The following ANXA10 variants were observed in gnomAD, a reference collection of about 807,000 sequenced individuals.
ANXA10 encodes annexin A10, also known as annexin 14.
In ANXA10, 49 loss-of-function variants were observed where a neutral mutation model predicts 53.5. The observed-to-expected ratio is 0.92, with a 90% CI of 0.73 to 1.16. The LOEUF (loss-of-function observed/expected upper bound fraction) is 1.16. Ranked by LOEUF, ANXA10 falls within the 50% of genes most tolerant of loss-of-function variation. ANXA10 has a pLI of 0.00. For synonymous variants in ANXA10, 131 were observed against 128.9 expected (o/e 1.02, Z -0.11); for missense variants, 393 against 394.4 (o/e 1.00, Z 0.03).
intron 3 of ANXA10, among the ~76,000 whole-genome samples, chr4:168,159,084 A>G (rs1731738141): frequency 6.6e-6 from 1 of 152,136 alleles, no homozygotes; most frequent in Non-Finnish European, 1.5e-5. Context: ...CTCTTTGTAA[A>G]TTACCCAGCC....
chr4:168,173,321 G>A (rs892835862), intron 6 of ANXA10, among the ~76,000 whole-genome samples: 2 of 152,178 alleles, frequency 1.3e-5, no homozygotes, highest in African/African-American at 4.8e-5. Flanking sequence ...AATAGTAAAT[G>A]AATTCAGAGA....
At chr4:168,178,703 A>C (rs1732181915) in intron 8 of ANXA10, among the ~76,000 whole-genome samples, 1 of 152,222 alleles carries the variant, frequency 6.6e-6, no homozygotes, top group South Asian at 2.1e-4. Flanking sequence ...CGTGAAATAA[A>C]GAATCTTAAT....
At chr4:168,118,796 G>A (rs972339735) in intron 1 of ANXA10, among the ~76,000 whole-genome samples, 1 of 152,146 alleles carries the variant, frequency 6.6e-6, no homozygotes, top group Non-Finnish European at 1.5e-5. Context: ...AATGTGTAAA[G>A]ACACCTTCAT....
intron 6 of ANXA10, among the ~76,000 whole-genome samples, chr4:168,167,705 C>A (rs1236422889): frequency 6.6e-6 from 1 of 152,166 alleles, no homozygotes; most frequent in African/African-American, 2.4e-5. Flanking sequence ...TTGGTTAGGT[C>A]CATTTACCAC....
intron 8 of ANXA10, 130 bp from the exon 9 acceptor site, chr4:168,179,087 A>C: frequency 1.6e-6 from 1 of 606,074 alleles, no homozygotes; most frequent in South Asian, 1.9e-5. Flanking sequence ...TATTTATAGC[A>C]AACAGAATTG....
At chr4:168,119,583 G>A (rs906484781) in intron 1 of ANXA10, among the ~76,000 whole-genome samples, 6 of 152,158 alleles carry the variant, frequency 3.9e-5, no homozygotes, top group African/African-American at 1.4e-4. Context: ...CAGTTCAGCT[G>A]TATATGTTTC....
chr4:168,180,301 T>G (rs567126611), intron 9 of ANXA10, among the ~76,000 whole-genome samples: 1 of 152,346 alleles, frequency 6.6e-6, no homozygotes, highest in South Asian at 2.1e-4. Flanking sequence ...TCCTTCATTT[T>G]ATAAACAATG....
At chr4:168,133,931 A>C (rs928107655) in intron 2 of ANXA10, among the ~76,000 whole-genome samples, 2 of 151,384 alleles carry the variant, frequency 1.3e-5, no homozygotes, top group South Asian at 2.1e-4. Flanking sequence ...GCACTAGGAG[A>C]AGAAGGAGAA....
chr4:168,174,152 T>G (rs1370569708), intron 6 of ANXA10, among the ~76,000 whole-genome samples: 1 of 152,116 alleles, frequency 6.6e-6, no homozygotes, highest in African/African-American at 2.4e-5. Flanking sequence ...ACTTGGGACC[T>G]GCCAAACAGT....
At chr4:168,178,196 T>C in intron 8 of ANXA10, 1 of 528,048 alleles carries the variant, frequency 1.9e-6, no homozygotes, top group Non-Finnish European at 3.3e-6. Flanking sequence ...CCAATAACTT[T>C]CAAAAACTGA....
At chr4:168,113,033 G>A (rs955423541) in intron 1 of ANXA10, among the ~76,000 whole-genome samples, 9 of 151,362 alleles carry the variant, frequency 5.9e-5, no homozygotes, top group Admixed American at 1.3e-4. Context: ...AAAAAAAAAA[G>A]AAAGAAAAAA....
chr4:168,168,006 T>C (rs560654333), intron 6 of ANXA10, among the ~76,000 whole-genome samples: 1 of 152,312 alleles, frequency 6.6e-6, no homozygotes, highest in Non-Finnish European at 1.5e-5. Flanking sequence ...CTCCCTTGTA[T>C]GTCTGCTTGC....
At chr4:168,167,436 A>C (rs943826594) in intron 6 of ANXA10, among the ~76,000 whole-genome samples, 1 of 152,186 alleles carries the variant, frequency 6.6e-6, no homozygotes, top group Admixed American at 6.5e-5. Context: ...GTATGTGTTC[A>C]ATAGGTTAGG....
intron 1 of ANXA10, among the ~76,000 whole-genome samples, chr4:168,100,333 T>A (rs1440057157): frequency 6.6e-6 from 1 of 152,146 alleles, no homozygotes; most frequent in Non-Finnish European, 1.5e-5. Context: ...GAGTGGGATA[T>A]AAAACAGATT....
rs1480926773 is a variant in ANXA10 at position 168,169,059 on chromosome 4, T to C, written c.480+3733T>C. Reference sequence around the variant, plus strand: ...AGTGGAGAAAAGATAATTTGGTTTTTCATAGTACAAACTGAAGCGTCTGGT... The same window carrying C: ...AGTGGAGAAAAGATAATTTGGTTTTCCATAGTACAAACTGAAGCGTCTGGT... On this transcript the variant is annotated intron_variant, in intron 6 of 11. Coordinates refer to ENST00000359299, the MANE Select transcript of ANXA10 (RefSeq NM_007193.5). Among the ~76,000 whole-genome samples the C allele has an allele frequency of 2.0e-5, 3 of 152,326 alleles. No individual in the cohort carries two copies. The East Asian group carries it at 5.8e-4, about 29-fold the overall frequency.
chr4:168,187,497 T>C lies in ANXA10; in HGVS notation c.*63T>C. ...TAGACACTTCCAAATAGAGATTTTC[T>C]CACAAATTTGTACTGTTCATGGCAC... On this transcript the variant is annotated 3_prime_UTR_variant, in exon 12 of 12. Transcript: ENST00000359299. 6.9e-6 allele frequency: 8 copies of C among 1,160,044 alleles called. No homozygotes were observed. The highest frequency in any genetic ancestry group is 7.3e-6 in the Non-Finnish European group (6 of 825,448). 71.9% of individuals were successfully genotyped at this position (1,160,044 alleles called of 1,614,324 possible). A position where few individuals can be genotyped will look rare whatever the true frequency, so the allele number is the denominator to read the frequency against.
At chr4:168,176,420 G>A (rs543044223) in intron 6 of ANXA10, among the ~76,000 whole-genome samples, 1 of 152,102 alleles carries the variant, frequency 6.6e-6, no homozygotes, top group East Asian at 1.9e-4. Context: ...TCCCCCAAAG[G>A]TCTAGCTGTG....
In ANXA10 at chr4:168,121,243, G is replaced by A. The variant is rs537943426; in HGVS notation, c.19-6841G>A. Among the ~76,000 whole-genome samples the A allele has an allele frequency of 1.3e-3, 199 of 151,888 alleles. 3 individuals carry two copies. The highest frequency in any genetic ancestry group is 2.5e-3 in the Admixed American group (38 of 15,252). ...ACACACACACACACATTCTAACAAG[G>A]CATGAACTGTTTTCTATTTTTCACT... On this transcript the variant is annotated intron_variant, in intron 1 of 11. Transcript: ENST00000359299.
intron 3 of ANXA10, among the ~76,000 whole-genome samples, chr4:168,153,054 G>A (rs1295129893): frequency 6.6e-6 from 1 of 151,910 alleles, no homozygotes; most frequent in Non-Finnish European, 1.5e-5. Flanking sequence ...ATCCTGCCCA[G>A]TCTAGTCTTG....
Sources: gnomAD v4.1 joint callset for allele counts (sites outside exome capture counted in the v4.1 genomes callset) on GRCh38, gnomAD v4.1.1 for gene constraint, MANE v1.5 for transcripts, NCBI Gene and HGNC (gene_info 2026-07-23, HGNC 2026-07-21) for gene names.